ADAM9: variants seen among roughly 807,000 people sequenced by gnomAD.
ADAM9 encodes the protein disintegrin and metalloproteinase domain-containing protein 9.
ADAM9 carries 54 observed loss-of-function variants against 108.1 expected under a neutral mutation model. That is an observed-to-expected ratio of 0.50 (90% CI 0.40 to 0.63). The LOEUF (loss-of-function observed/expected upper bound fraction) is 0.63. Among genes scored for constraint, ADAM9 ranks in the 20% least tolerant of loss-of-function variants. The probability of loss-of-function intolerance (pLI) is 0.00; values close to 1 mark genes in which losing one functional copy is unlikely to be tolerated. For synonymous variants in ADAM9, 316 were observed against 336.0 expected, an observed-to-expected ratio of 0.94 and a Z score of 0.65; for missense variants, 830 against 997.7, an observed-to-expected ratio of 0.83 and a Z score of 2.26.
chr8:39,043,983 T>C (rs1410705676), intron 12 of ADAM9, among the ~76,000 whole-genome samples: 2 of 152,208 alleles, frequency 1.3e-5, no homozygotes, highest in Non-Finnish European at 2.9e-5. Context: ...TCTTCCTGTA[T>C]ATTTTGAAAG....
chr8:39,055,065 G>A (rs1409993254), intron 13 of ADAM9, among the ~76,000 whole-genome samples: 2 of 151,986 alleles, frequency 1.3e-5, no homozygotes, highest in Non-Finnish European at 2.9e-5. Context: ...ATAATACATG[G>A]TTATTTAAGT....
At chr8:39,073,154 T>A (rs1588412478) in intron 15 of ADAM9, among the ~76,000 whole-genome samples, 1 of 152,362 alleles carries the variant, frequency 6.6e-6, no homozygotes, top group East Asian at 1.9e-4. Context: ...TCTGCAGTTG[T>A]TAGAGATGTT....
intron 14 of ADAM9, among the ~76,000 whole-genome samples, chr8:39,069,603 T>C (rs1238823867): frequency 6.6e-6 from 1 of 152,198 alleles, no homozygotes; most frequent in East Asian, 1.9e-4. Flanking sequence ...GAGAGCTAAA[T>C]GGTTTGCCTG....
At chr8:39,062,291 A>AAAG (rs577519934) in intron 14 of ADAM9, among the ~76,000 whole-genome samples, 1 of 152,216 alleles carries the variant, frequency 6.6e-6, no homozygotes, top group Non-Finnish European at 1.5e-5. Context: ...GTTCTTCCTT[A>AAAG]AAGAAACTTA....
chr8:39,088,348 G>A (rs570049130), intron 18 of ADAM9, among the ~76,000 whole-genome samples: 4 of 151,288 alleles, frequency 2.6e-5, no homozygotes, highest in African/African-American at 9.7e-5. Context: ...TCCGCCTCCC[G>A]GGTTCATGCC....
intron 12 of ADAM9, among the ~76,000 whole-genome samples, chr8:39,044,515 G>C (rs948762697): frequency 4.7e-4 from 72 of 152,186 alleles, no homozygotes; most frequent in African/African-American, 1.7e-3. Context: ...ATTGTATCCT[G>C]GTGGGGATTG....
intron 4 of ADAM9, 148 bp downstream of exon 4, chr8:39,014,191 T>TG: frequency 1.4e-6 from 1 of 700,538 alleles, no homozygotes; most frequent in South Asian, 1.6e-5. Context: ...TTGGGAAAAG[T>TG]GGGTGCATTT....
chr8:39,103,501 CTGT>C (rs1262981715), intron 21 of ADAM9, 103 bp from the exon 22 acceptor site: 1 of 1,094,174 alleles, frequency 9.1e-7, no homozygotes, highest in Non-Finnish European at 1.4e-6. Flanking sequence ...GTACCCTTTC[CTGT>C]TGTCAGAGAT....
intron 11 of ADAM9, among the ~76,000 whole-genome samples, chr8:39,033,820 A>G (rs1444363739): frequency 6.6e-6 from 1 of 152,104 alleles, no homozygotes; most frequent in Admixed American, 6.5e-5. Context: ...ACCATCTTAT[A>G]TCTCCTTTAT....
intron 20 of ADAM9, among the ~76,000 whole-genome samples, chr8:39,096,392 A>G (rs1447774955): frequency 3.3e-5 from 5 of 152,156 alleles, no homozygotes; most frequent in Non-Finnish European, 7.4e-5. Context: ...ATTTATAGCA[A>G]TCTATTTTAA....
intron 14 of ADAM9, among the ~76,000 whole-genome samples, chr8:39,070,825 C>G (rs1479424696): frequency 2.0e-4 from 30 of 150,954 alleles, no homozygotes; most frequent in Non-Finnish European, 1.5e-5. Flanking sequence ...CAGTGTTTGT[C>G]AATGTATTTA....
At chr8:39,049,578 A>G (rs1203056217) in intron 12 of ADAM9, among the ~76,000 whole-genome samples, 1 of 151,522 alleles carries the variant, frequency 6.6e-6, no homozygotes, top group Non-Finnish European at 1.5e-5. Flanking sequence ...AGCTGGGACT[A>G]CAGGTGCCTG....
chr8:39,038,145 G>T (rs548526353), intron 11 of ADAM9, among the ~76,000 whole-genome samples: 5 of 152,234 alleles, frequency 3.3e-5, no homozygotes, highest in African/African-American at 1.2e-4. Context: ...AGCCTTCTTT[G>T]TAGTCTTCCT....
intron 14 of ADAM9, among the ~76,000 whole-genome samples, chr8:39,056,596 C>T (rs1170786748): frequency 2.6e-5 from 4 of 152,128 alleles, no homozygotes; most frequent in Non-Finnish European, 5.9e-5. Context: ...CATTAATGCT[C>T]TTCACAACTA....
chr8:39,030,965 A>T (rs1440338635), intron 11 of ADAM9, among the ~76,000 whole-genome samples: 2 of 152,190 alleles, frequency 1.3e-5, no homozygotes, highest in African/African-American at 4.8e-5. Flanking sequence ...AGTTGCTTGC[A>T]TACTTTGGAT....
At chr8:39,080,994 A>G (rs1839006060) in intron 16 of ADAM9, among the ~76,000 whole-genome samples, 1 of 127,326 alleles carries the variant, frequency 7.9e-6, no homozygotes, top group South Asian at 2.6e-4. Context: ...TCTTTGACCC[A>G]GGCTGGAGTG....
intron 15 of ADAM9, among the ~76,000 whole-genome samples, chr8:39,073,145 C>T (rs1467643351): frequency 6.6e-6 from 1 of 152,162 alleles, no homozygotes; most frequent in East Asian, 1.9e-4. Flanking sequence ...AAAGTATATT[C>T]TGCAGTTGTT....
At chr8:39,067,954 A>G (rs192424942) in intron 14 of ADAM9, among the ~76,000 whole-genome samples, 1 of 152,354 alleles carries the variant, frequency 6.6e-6, no homozygotes, top group African/African-American at 2.4e-5. Flanking sequence ...TTTAGCATGA[A>G]GGGCTGTTGA....
intron 14 of ADAM9, among the ~76,000 whole-genome samples, chr8:39,062,352 G>T (rs992510173): frequency 6.6e-6 from 1 of 152,120 alleles, no homozygotes; most frequent in Non-Finnish European, 1.5e-5. Context: ...TCAACTCAAG[G>T]AATTGATTAA....
Sources: gnomAD v4.1 joint callset for allele counts (sites outside exome capture counted in the v4.1 genomes callset) on GRCh38, gnomAD v4.1.1 for gene constraint, MANE v1.5 for transcripts, NCBI Gene and HGNC (gene_info 2026-07-23, HGNC 2026-07-21) for gene names.